DAP: variants seen among roughly 807,000 people sequenced by gnomAD.
DAP encodes death associated protein, also known as death-associated protein 1.
Under a neutral mutation model 13.8 loss-of-function variants are expected in DAP, and 8 were observed. The ratio of observed to expected loss-of-function variants is 0.58; its 90% CI spans 0.34 to 1.05. The LOEUF (loss-of-function observed/expected upper bound fraction) is 1.05. Among genes scored for constraint, DAP ranks in the 50% least tolerant of loss-of-function variants. DAP has a pLI of 0.03. For synonymous variants in DAP, 47 were observed against 47.5 expected, an observed-to-expected ratio of 0.99 and a Z score of 0.04; for missense variants, 106 against 133.2, an observed-to-expected ratio of 0.80 and a Z score of 1.01.
chr5:10,698,723 T>TTCTA (rs142281423), intron 2 of DAP, among the ~76,000 whole-genome samples: 9,939 of 152,234 alleles, frequency 0.065, 362 homozygotes, highest in African/African-American at 0.093. Context: ...TAGAGTGTCA[T>TTCTA]TCTATCTATC....
chr5:10,752,683 CAT>C (rs1471357882), intron 1 of DAP, among the ~76,000 whole-genome samples: 1 of 152,108 alleles, frequency 6.6e-6, no homozygotes, highest in Non-Finnish European at 1.5e-5. Context: ...AGTGTGTGCA[CAT>C]GTGTGCATAC....
intron 1 of DAP, among the ~76,000 whole-genome samples, chr5:10,757,216 C>T (rs1009658790): frequency 1.3e-5 from 2 of 152,294 alleles, no homozygotes; most frequent in South Asian, 2.1e-4. Context: ...GCCTTTCCGG[C>T]CGCTCCCACT....
chr5:10,723,853 C>T (rs1243592372), intron 2 of DAP, among the ~76,000 whole-genome samples: 1 of 152,170 alleles, frequency 6.6e-6, no homozygotes, highest in African/African-American at 2.4e-5. Flanking sequence ...GACAGAGCTC[C>T]TAAGGATACA....
At chr5:10,735,061 G>T (rs1739573281) in intron 2 of DAP, among the ~76,000 whole-genome samples, 1 of 152,114 alleles carries the variant, frequency 6.6e-6, no homozygotes, top group South Asian at 2.1e-4. Flanking sequence ...ACGGGGTAAT[G>T]AGTTCAATTC....
At position 10,759,744 on chromosome 5, in the gene DAP, C is replaced by CTTTTT. The variant is rs1169454640; in HGVS notation, c.55+1265_55+1269dup. On this transcript the variant is annotated intron_variant, in intron 1 of 3. Transcript: ENST00000230895. ...GACAGCAGAGAAGGATAATGGGAAT[C>CTTTTT]TTTTTTTTTTTTTTTTTTTTTTTTG... is the stretch of plus-strand genomic sequence containing the variant. Among the ~76,000 whole-genome samples, 272 of 88,210 alleles carry CTTTTT rather than the reference C, an allele frequency of 3.1e-3. 4 individuals are homozygous for CTTTTT. Among genetic ancestry groups the CTTTTT allele is most frequent in the Non-Finnish European group, 4.3e-3 (211 of 49,546 alleles). 57.9% of individuals were successfully genotyped at this position (88,210 alleles called of 152,430 possible).
At chr5:10,743,507 G>C (rs1238442989) in intron 2 of DAP, among the ~76,000 whole-genome samples, 2 of 152,082 alleles carry the variant, frequency 1.3e-5, no homozygotes, top group African/African-American at 4.8e-5. Context: ...CCACTTGTCA[G>C]TGACCAAACC....
At chr5:10,706,622 A>G (rs575931110) in intron 2 of DAP, among the ~76,000 whole-genome samples, 1 of 152,336 alleles carries the variant, frequency 6.6e-6, no homozygotes, top group Non-Finnish European at 1.5e-5. Context: ...TCACTTTACT[A>G]ATCAGTGACG....
intron 1 of DAP, among the ~76,000 whole-genome samples, 161 bp downstream of exon 1, chr5:10,760,853 G>A (rs1740327207): frequency 6.6e-6 from 1 of 151,750 alleles, no homozygotes; most frequent in Non-Finnish European, 1.5e-5. Context: ...GGGCCTGGGC[G>A]CCCGACCTCT....
At chr5:10,745,318 A>G (rs1739872741) in intron 2 of DAP, among the ~76,000 whole-genome samples, 1 of 152,242 alleles carries the variant, frequency 6.6e-6, no homozygotes, top group Non-Finnish European at 1.5e-5. Context: ...AGCAGTAAAC[A>G]GCCAAGCCAA....
chr5:10,691,627 T>C (rs1221293202), intron 2 of DAP, among the ~76,000 whole-genome samples: 1 of 152,234 alleles, frequency 6.6e-6, no homozygotes, highest in Non-Finnish European at 1.5e-5. Flanking sequence ...AGATGCTGTT[T>C]TGAAGATGCA....
chr5:10,712,278 T>C (rs1738872853), intron 2 of DAP, among the ~76,000 whole-genome samples: 1 of 152,108 alleles, frequency 6.6e-6, no homozygotes, highest in Non-Finnish European at 1.5e-5. Flanking sequence ...ACAGCAAACT[T>C]ATGCTGTTTC....
At chr5:10,681,264 G>C in intron 3 of DAP, 95 bp from the exon 4 acceptor site, 1 of 905,446 alleles carries the variant, frequency 1.1e-6, no homozygotes. Context: ...GCGTCCCTGC[G>C]GAAGGATAGC....
In DAP at chr5:10,760,761, G is replaced by A. The variant is rs564104140; in HGVS notation, c.55+253C>T. On this transcript the variant is annotated intron_variant, in intron 1 of 3. Transcript: ENST00000230895. ...CCGGAGCCTGCGCGCAATCGCACAG[G>A]TACGCGGCCGCCCGCGGTCCTCAGG... 7.9e-5 allele frequency among the ~76,000 whole-genome samples: 12 copies of A among 152,286 alleles called. No individual in the cohort carries two copies. In the East Asian group the frequency reaches 2.3e-3, roughly 29 times the overall value.
intron 1 of DAP, among the ~76,000 whole-genome samples, chr5:10,760,282 G>C (rs1042142042): frequency 8.5e-5 from 13 of 152,176 alleles, no homozygotes; most frequent in Non-Finnish European, 1.5e-4. Context: ...CTGGAAAGGA[G>C]AGTAGAAACG....
intron 2 of DAP, among the ~76,000 whole-genome samples, chr5:10,721,644 A>G (rs1234368800): frequency 6.6e-6 from 1 of 152,178 alleles, no homozygotes; most frequent in Admixed American, 6.5e-5. Flanking sequence ...CAGGACTACA[A>G]ATGGCTCAGA....
intron 2 of DAP, among the ~76,000 whole-genome samples, chr5:10,697,355 T>TATAAA (rs1738460762): frequency 6.6e-6 from 1 of 152,238 alleles, no homozygotes; most frequent in Non-Finnish European, 1.5e-5. Context: ...CGATCATCTA[T>TATAAA]GTATTAAAAA....
intron 2 of DAP, among the ~76,000 whole-genome samples, chr5:10,736,382 C>G (rs548990436): frequency 6.6e-6 from 1 of 152,154 alleles, no homozygotes; most frequent in Admixed American, 6.5e-5. Flanking sequence ...ATGGCTTTGT[C>G]CTAATGGCAG....
rs990753785 is a variant in DAP, at chr5:10,733,924, G to T, written c.152+14251C>A. The T allele has an allele frequency of 9.2e-5, 14 of 152,230 alleles. 1 individual carries two copies. Among genetic ancestry groups the T allele is most frequent in the Admixed American group, 8.5e-4 (13 of 15,286 alleles). 9.4% of individuals were successfully genotyped at this position (152,230 alleles called of 1,614,324 possible). On this transcript the variant is annotated intron_variant, in intron 2 of 3. Transcript: ENST00000230895. ...GATAAAAAGTACTTAAAAACTTCAG[G>T]CCTAGTCATTTTAATGTAATAAACT...
intron 2 of DAP, among the ~76,000 whole-genome samples, chr5:10,725,242 G>C (rs1041984565): frequency 1.3e-5 from 2 of 152,158 alleles, no homozygotes; most frequent in Non-Finnish European, 1.5e-5. Context: ...CCTCTCGTTT[G>C]TACTTTTCCA....
Sources: allele counts gnomAD v4.1 joint callset (sites outside exome capture counted in the v4.1 genomes callset), GRCh38; gene constraint gnomAD v4.1.1; transcripts MANE v1.5; gene names NCBI Gene and HGNC (gene_info 2026-07-23, HGNC 2026-07-21).